The following C5orf63 variants were observed in gnomAD, a reference collection of about 807,000 sequenced individuals.
The protein encoded by C5orf63 is glutaredoxin-like protein C5orf63.
Under a neutral mutation model 13.3 loss-of-function variants are expected in C5orf63, and 18 were observed. The observed-to-expected ratio is 1.36, with a 90% confidence interval of 0.94 to 2.01. C5orf63 has a LOEUF of 2.01. C5orf63 is among the 30% of genes most tolerant of loss of function. The pLI is 0.00. For missense variants in C5orf63, 118 were observed against 127.7 expected (o/e 0.92, Z 0.36); for synonymous variants, 38 against 44.7 (o/e 0.85, Z 0.60).
intron 2 of C5orf63, among the ~76,000 whole-genome samples, chr5:127,069,728 G>T (rs1018461089): frequency 5.9e-5 from 9 of 152,204 alleles, no homozygotes; most frequent in African/African-American, 1.9e-4. Flanking sequence ...TTAGGCTGTG[G>T]CATCCCTCAG....
At chr5:127,070,020 G>A (rs183958913) in intron 2 of C5orf63, among the ~76,000 whole-genome samples, 7 of 152,106 alleles carry the variant, frequency 4.6e-5, no homozygotes, top group South Asian at 4.1e-4. Flanking sequence ...CCAAAAAATC[G>A]CAAAACACTT....
intron 2 of C5orf63, among the ~76,000 whole-genome samples, chr5:127,066,313 A>G (rs987601254): frequency 5.3e-5 from 8 of 152,152 alleles, no homozygotes; most frequent in Non-Finnish European, 1.0e-4. Flanking sequence ...GATCTCATAT[A>G]CATTTTTAAA....
intron 4 of C5orf63, 27 bp downstream of exon 4, chr5:127,052,586 C>A: frequency 7.1e-7 from 1 of 1,414,214 alleles, no homozygotes; most frequent in South Asian, 1.6e-5. Context: ...AATCCATATA[C>A]ATAAAAGCCA....
intron 2 of C5orf63, among the ~76,000 whole-genome samples, chr5:127,061,644 T>G (rs1440422439): frequency 1.3e-5 from 2 of 152,200 alleles, no homozygotes; most frequent in Admixed American, 1.3e-4. Context: ...ATGAACAATT[T>G]TCCAATAGGT....
chr5:127,043,091 G>C (rs147624087), downstream of C5orf63: 1 of 152,090 alleles, frequency 6.6e-6, no homozygotes, highest in African/African-American at 2.4e-5. Context: ...GTCTCACTTT[G>C]TGTACAGGTC....
At chr5:127,043,796 C>G (rs1376071165), downstream of C5orf63, 2 of 152,220 alleles carry the variant, frequency 1.3e-5, no homozygotes. Flanking sequence ...CCTCATTTAC[C>G]TGGTCCAGGA....
chr5:127,047,729 A>G (rs963014129), downstream of C5orf63: 5 of 703,912 alleles, frequency 7.1e-6, no homozygotes, highest in African/African-American at 8.7e-5. Flanking sequence ...CTCAGGCAAT[A>G]GAATGCCCCA....
rs770168153 is a variant in C5orf63, at chr5:127,051,566, TA to T, written c.*204del. The T allele has an allele frequency of 1.2e-4, 148 of 1,248,726 alleles. No homozygotes were observed. The highest frequency in any genetic ancestry group is 1.4e-4 in the Non-Finnish European group (140 of 997,384). 77.4% of individuals were successfully genotyped at this position (1,248,726 alleles called of 1,614,324 possible). A position where few individuals can be genotyped will look rare whatever the true frequency, so the allele number is the denominator to read the frequency against. On this transcript the variant is annotated 3_prime_UTR_variant, in exon 5 of 5. Transcript: ENST00000296662. ...TCCCTCCCTGCTAATATGCTCTTCT[TA>T]TTTTATAAAATGCCATTAAGCAAAC...
intron 2 of C5orf63, among the ~76,000 whole-genome samples, chr5:127,059,861 G>A (rs548928932): frequency 6.6e-6 from 1 of 151,974 alleles, no homozygotes; most frequent in South Asian, 2.1e-4. Flanking sequence ...AAAACACAAA[G>A]CTGGCCAGGC....
intron 2 of C5orf63, among the ~76,000 whole-genome samples, chr5:127,060,190 T>G (rs1484589995): frequency 6.6e-6 from 1 of 152,034 alleles, no homozygotes; most frequent in Non-Finnish European, 1.5e-5. Flanking sequence ...ACAGGAACTA[T>G]AGGAGAGAAT....
intron 2 of C5orf63, among the ~76,000 whole-genome samples, chr5:127,068,591 C>T (rs1754413257): frequency 6.6e-6 from 1 of 152,208 alleles, no homozygotes; most frequent in Non-Finnish European, 1.5e-5. Flanking sequence ...TCCTCTTCAT[C>T]CTGGCATTCT....
intron 3 of C5orf63, among the ~76,000 whole-genome samples, chr5:127,056,230 G>A (rs1409090678): frequency 6.6e-6 from 1 of 152,164 alleles, no homozygotes; most frequent in Non-Finnish European, 1.5e-5. Context: ...AGAGCCAGTG[G>A]GTAGCTATAA....
chr5:127,051,900 CCAGA>C lies in C5orf63; in HGVS notation c.215_218del (p.Val72GlyfsTer14), dbSNP rs1485144854. Reference sequence around the variant, plus strand: ...GAATATCAAATTTATACCTTTCATACCAGACAGAGTTTTCTGGAAGTGTGATGTT... The same window carrying C: ...GAATATCAAATTTATACCTTTCATACCAGAGTTTTCTGGAAGTGTGATGTT... On this transcript the variant is annotated frameshift_variant, in exon 5 of 5. Coordinates refer to ENST00000296662, the MANE Select transcript of C5orf63 (RefSeq NM_001164478.2). LOFTEE classifies it high-confidence loss of function. 4.6e-6 allele frequency: 7 copies of C among 1,530,934 alleles called. No homozygotes were observed. In the African/African-American group the frequency reaches 5.5e-5, roughly 12 times the overall value. 94.8% of individuals were successfully genotyped at this position (1,530,934 alleles called of 1,614,324 possible). A position where few individuals can be genotyped will look rare whatever the true frequency, so the allele number is the denominator to read the frequency against.
chr5:127,057,647 T>G (rs1183110168), intron 3 of C5orf63, among the ~76,000 whole-genome samples: 1 of 152,254 alleles, frequency 6.6e-6, no homozygotes, highest in Non-Finnish European at 1.5e-5. Context: ...TTTGCAGGTA[T>G]TCACAGACAT....
At chr5:127,068,665 G>A (rs931560749) in intron 2 of C5orf63, among the ~76,000 whole-genome samples, 1 of 152,214 alleles carries the variant, frequency 6.6e-6, no homozygotes, top group East Asian at 1.9e-4. Context: ...ATGTAAAGTG[G>A]AAGGGGAGAG....
chr5:127,072,809 A>AT (rs1185664428), intron 1 of C5orf63, among the ~76,000 whole-genome samples: 1 of 152,242 alleles, frequency 6.6e-6, no homozygotes, highest in East Asian at 1.9e-4. Context: ...CCTTGGACTT[A>AT]TTAAAAAACT....
intron 2 of C5orf63, among the ~76,000 whole-genome samples, chr5:127,066,196 A>C (rs541761712): frequency 6.6e-6 from 1 of 152,308 alleles, no homozygotes; most frequent in South Asian, 2.1e-4. Flanking sequence ...AGGAGACGAG[A>C]TTAACCCACA....
chr5:127,068,676 G>A (rs1724025177), intron 2 of C5orf63, among the ~76,000 whole-genome samples: 1 of 152,144 alleles, frequency 6.6e-6, no homozygotes, highest in South Asian at 2.1e-4. Context: ...AAGGGGAGAG[G>A]AGTCTTCAGT....
At chr5:127,051,217 G>A, downstream of C5orf63, 1 of 865,522 alleles carries the variant, frequency 1.2e-6, no homozygotes, top group Non-Finnish European at 1.5e-6. Flanking sequence ...CTTTGGCTAG[G>A]ATAATAATTC....
Sources: allele counts gnomAD v4.1 joint callset (sites outside exome capture counted in the v4.1 genomes callset), GRCh38; gene constraint gnomAD v4.1.1; transcripts MANE v1.5; gene names NCBI Gene and HGNC (gene_info 2026-07-23, HGNC 2026-07-21).